Variants in NAMPT observed in about 807,000 individuals in gnomAD.
NAMPT encodes the protein NAmPRTase.
NAMPT carries 7 observed loss-of-function variants against 58.7 expected under a neutral mutation model. The ratio of observed to expected loss-of-function variants is 0.12; its 90% confidence interval spans 0.07 to 0.22. The LOEUF (loss-of-function observed/expected upper bound fraction) is 0.22. Among genes scored for constraint, NAMPT ranks in the 10% least tolerant of loss-of-function variants. NAMPT has a pLI of 1.00. For synonymous variants in NAMPT, 145 were observed against 198.1 expected, an observed-to-expected ratio of 0.73 and a Z score of 2.25; for missense variants, 271 against 567.9, an observed-to-expected ratio of 0.48 and a Z score of 5.31.
At chr7:106,268,633 CA>C (rs1331467856) in intron 5 of NAMPT, 33 bp from the exon 6 acceptor site, 2 of 1,528,496 alleles carry the variant, frequency 1.3e-6, no homozygotes, top group African/African-American at 2.7e-5. Context: ...AAATCCAAAA[CA>C]GAAAGAAACC....
chr7:106,252,287 T>C (rs541713359), intron 10 of NAMPT, among the ~76,000 whole-genome samples: 1 of 152,118 alleles, frequency 6.6e-6, no homozygotes, highest in Non-Finnish European at 1.5e-5. Context: ...TAACAGGCTA[T>C]ATAAAGGGAT....
chr7:106,265,695 C>T (rs952695805), intron 6 of NAMPT, among the ~76,000 whole-genome samples: 1 of 152,032 alleles, frequency 6.6e-6, no homozygotes, highest in Non-Finnish European at 1.5e-5. Flanking sequence ...TCTCAGCATC[C>T]CACAGATACT....
intron 1 of NAMPT, 26 bp from the exon 2 acceptor site, chr7:106,277,205 A>G: frequency 6.3e-7 from 1 of 1,580,748 alleles, no homozygotes; most frequent in Non-Finnish European, 8.7e-7. Context: ...CACTTCTGTT[A>G]GAAAACACCG....
At chr7:106,284,984 G>A (rs934991738), upstream of NAMPT, 3 of 1,484,442 alleles carry the variant, frequency 2.0e-6, no homozygotes, top group South Asian at 1.3e-5. Context: ...TTAAGTCACT[G>A]CTCGGTCGGC....
At chr7:106,273,565 TTC>T (rs1792577970) in intron 3 of NAMPT, among the ~76,000 whole-genome samples, 1 of 152,208 alleles carries the variant, frequency 6.6e-6, no homozygotes, top group Non-Finnish European at 1.5e-5. Flanking sequence ...CGGTCTCAGA[TTC>T]TGTTTGTAAA....
intron 1 of NAMPT, among the ~76,000 whole-genome samples, chr7:106,279,768 T>C (rs57524611): frequency 0.048 from 7,366 of 152,274 alleles, 262 homozygotes; most frequent in Middle Eastern, 0.12. Context: ...AAAAAAAATA[T>C]ATTAATTTCA....
rs747195261 is a variant in NAMPT, at chr7:106,253,293, G to A, written c.1231-142C>T. ...GGTATAACTGAACCAATCCACATCT[G>A]GCTTTCAGAAACATAACACTTTAGC... is the stretch of plus-strand genomic sequence containing the variant. On this transcript the variant is annotated intron_variant, in intron 9 of 10. Transcript: ENST00000222553. The A allele has an allele frequency of 6.2e-5, 49 of 790,270 alleles. No individual in the cohort carries two copies. The Admixed American group carries it at 1.1e-3, about 18-fold the overall frequency. The allele number at this position is 790,270 out of a possible 1,614,324, so 49.0% of individuals were successfully genotyped here. A position where few individuals can be genotyped will look rare whatever the true frequency, so the allele number is the denominator to read the frequency against.
At chr7:106,257,424 C>T (rs1409261012) in intron 8 of NAMPT, among the ~76,000 whole-genome samples, 1 of 149,596 alleles carries the variant, frequency 6.7e-6, no homozygotes, top group African/African-American at 2.5e-5. Flanking sequence ...GACTGTTTCC[C>T]AGACTGGGAA....
intron 6 of NAMPT, 29 bp from the exon 7 acceptor site, chr7:106,263,646 A>C: frequency 6.6e-7 from 1 of 1,514,512 alleles, no homozygotes; most frequent in Non-Finnish European, 9.2e-7. Flanking sequence ...ACACAGATTT[A>C]CTTAGGCAGA....
chr7:106,280,002 AT>A (rs1441061185), intron 1 of NAMPT, among the ~76,000 whole-genome samples: 18 of 152,294 alleles, frequency 1.2e-4, no homozygotes, highest in African/African-American at 4.1e-4. Context: ...GTAGGCAGAA[AT>A]GAGATCATGT....
At chr7:106,267,855 AAAAAAAAAAAAAAAAAAAAAAC>A (rs1792451022) in intron 6 of NAMPT, among the ~76,000 whole-genome samples, 1 of 121,498 alleles carries the variant, frequency 8.2e-6, no homozygotes, top group East Asian at 2.4e-4. Context: ...AAAAAAAAAA[AAAAAAAAAAAAAAAAAAAAAAC>A]AACCTGATTT....
At position 106,265,567 on chromosome 7, in the gene NAMPT, T is replaced by TAAAAA. The variant is rs35685666; in HGVS notation, c.744-1955_744-1951dup. On this transcript the variant is annotated intron_variant, in intron 6 of 10. Coordinates refer to ENST00000222553, the MANE Select transcript of NAMPT (RefSeq NM_005746.3). ...ACCTTGTGTGAAACACTCAAAAGCTTAAAAAAAAAAAAAAAAAAAAAGTCC... is the reference window on the plus strand; with the variant it reads ...ACCTTGTGTGAAACACTCAAAAGCTTAAAAAAAAAAAAAAAAAAAAAAAAAAGTCC... Among the ~76,000 whole-genome samples the TAAAAA allele has an allele frequency of 1.7e-3, 195 of 116,424 alleles. 2 individuals are homozygous for TAAAAA. Among genetic ancestry groups the TAAAAA allele is most frequent in the African/African-American group, 6.2e-3 (188 of 30,284 alleles). The allele number at this position is 116,424 out of a possible 152,430, so 76.4% of individuals were successfully genotyped here. A position where few individuals can be genotyped will look rare whatever the true frequency, so the allele number is the denominator to read the frequency against.
rs1792842818 is a variant in NAMPT at position 106,284,954 on chromosome 7, G to A, written c.-70C>T. ...CGGCTGCGAGGAAGGAGAAAAATGA[G>A]CTTCACCGCGCTCCGTTGCTTAAGT... On this transcript the variant is annotated 5_prime_UTR_variant, in exon 1 of 11. Coordinates refer to ENST00000222553, the MANE Select transcript of NAMPT (RefSeq NM_005746.3). The A allele has an allele frequency of 6.5e-7, 1 of 1,542,142 alleles. No individual in the cohort carries two copies. The highest frequency in any genetic ancestry group is 1.2e-5 in the South Asian group (1 of 83,672).
intron 6 of NAMPT, among the ~76,000 whole-genome samples, chr7:106,267,754 T>C (rs1199138881): frequency 2.2e-5 from 3 of 134,722 alleles, no homozygotes; most frequent in East Asian, 2.2e-4. Flanking sequence ...GGCAGGAGAA[T>C]GGCGTGAACC....
At chr7:106,253,575 A>G (rs984050325) in intron 9 of NAMPT, 18 of 163,762 alleles carry the variant, frequency 1.1e-4, no homozygotes, top group Admixed American at 4.6e-4. Flanking sequence ...AGGGAACAAG[A>G]GTATTACTAA....
upstream of NAMPT, chr7:106,285,589 C>T: frequency 2.0e-6 from 2 of 985,996 alleles, no homozygotes; most frequent in Non-Finnish European, 2.4e-6. Flanking sequence ...CTCCATCCCT[C>T]TTGTCCCTCC....
In NAMPT at chr7:106,274,152, G is replaced by C. The variant is rs1012832252; in HGVS notation, c.318+794C>G. 1.0e-4 allele frequency among the ~76,000 whole-genome samples: 15 copies of C among 150,322 alleles called. No homozygotes were observed. In the Admixed American group the frequency reaches 1.0e-3, roughly 10 times the overall value. On this transcript the variant is annotated intron_variant, in intron 3 of 10. Coordinates refer to ENST00000222553, the MANE Select transcript of NAMPT (RefSeq NM_005746.3). ...ATCAAGACTAAAAATCAACTTTGTG[G>C]ATCAGCACCAAGCCATTCTCACTAT...
Position 106,249,933 on chromosome 7 carries a change from A to G in NAMPT, c.*1150T>C, listed in dbSNP as rs546013438. The G allele has an allele frequency of 4.2e-4, 64 of 152,192 alleles. 1 individual carries two copies. Among genetic ancestry groups the G allele is most frequent in the African/African-American group, 1.5e-3 (61 of 41,568 alleles). 9.4% of individuals were successfully genotyped at this position (152,192 alleles called of 1,614,324 possible). A position where few individuals can be genotyped will look rare whatever the true frequency, so the allele number is the denominator to read the frequency against. Reference sequence around the variant, plus strand: ...AATTTAGCCAACTTAAGATTCTTCTATTGAAACACATGTCATGCTTTTCAT... The same window carrying G: ...AATTTAGCCAACTTAAGATTCTTCTGTTGAAACACATGTCATGCTTTTCAT... On this transcript the variant is annotated 3_prime_UTR_variant, in exon 11 of 11. Transcript: ENST00000222553.
rs1190768073 is a variant in NAMPT, at chr7:106,250,001, CTTA to C, written c.*1079_*1081del. On this transcript the variant is annotated 3_prime_UTR_variant, in exon 11 of 11. Transcript: ENST00000222553. ...CATTTAAGAATGTGCTTCAGTATTA[CTTA>C]TTGAGGGCATTCAGTTTAAAATTAA... 6.6e-6 allele frequency: 1 copy of C among 152,040 alleles called. No individual in the cohort carries two copies. Among genetic ancestry groups the C allele is most frequent in the African/African-American group, 2.4e-5 (1 of 41,418 alleles). The allele number at this position is 152,040 out of a possible 1,614,324, so 9.4% of individuals were successfully genotyped here.
Sources: allele counts gnomAD v4.1 joint callset (sites outside exome capture counted in the v4.1 genomes callset), GRCh38; gene constraint gnomAD v4.1.1; transcripts MANE v1.5; gene names NCBI Gene and HGNC (gene_info 2026-07-23, HGNC 2026-07-21).